MAP3K5: variants seen among roughly 807,000 people sequenced by gnomAD.
The protein encoded by MAP3K5 is ASK-1.
In MAP3K5, 56 loss-of-function variants were observed where a neutral mutation model predicts 158.7. The ratio of observed to expected loss-of-function variants is 0.35; its 90% CI spans 0.28 to 0.44. The LOEUF is 0.44. Ranked by LOEUF, MAP3K5 falls within the 20% of genes least tolerant of loss-of-function variation. The pLI is 1.00. For synonymous variants in MAP3K5, 579 were observed against 601.7 expected (o/e 0.96, Z 0.55); for missense variants, 1,294 against 1,674.8 (o/e 0.77, Z 3.97).
intron 1 of MAP3K5, among the ~76,000 whole-genome samples, chr6:136,733,732 C>A (rs1268216614): frequency 6.6e-6 from 1 of 152,048 alleles, no homozygotes; most frequent in African/African-American, 2.4e-5. Context: ...CACAGCCTCC[C>A]CCATTGTCAA....
At chr6:136,675,723 C>T (rs781411527) in intron 7 of MAP3K5, among the ~76,000 whole-genome samples, 1 of 151,898 alleles carries the variant, frequency 6.6e-6, no homozygotes, top group Non-Finnish European at 1.5e-5. Context: ...AGTAAACGAA[C>T]AGCATATCAT....
In MAP3K5 at chr6:136,791,855, G is replaced by A; in HGVS notation, c.303C>T (p.Ser101=). Residue 101 remains serine, a synonymous_variant, in exon 1 of 30, where the codon AGC becomes AGT. Coordinates refer to ENST00000359015, the MANE Select transcript of MAP3K5 (RefSeq NM_005923.4). ...TCTCGGCCACCACCAGTTGCCCTTG[G>A]CTCGCTTCGTTGATCACATATGCCA... The part of the protein sequence containing the change: ...TTVAYVINEA[S]QGQLVVAESE... 1 of 1,613,802 alleles carries A rather than the reference G, an allele frequency of 6.2e-7. No individual in the cohort carries two copies. Among genetic ancestry groups the A allele is most frequent in the Non-Finnish European group, 8.5e-7 (1 of 1,180,024 alleles).
chr6:136,681,422 C>T (rs545587288), intron 7 of MAP3K5, among the ~76,000 whole-genome samples: 1 of 152,154 alleles, frequency 6.6e-6, no homozygotes, highest in South Asian at 2.1e-4. Context: ...TCACTTGAGC[C>T]CAAGTGTTCA....
chr6:136,580,028 G>A (rs190483142), intron 25 of MAP3K5, among the ~76,000 whole-genome samples: 5 of 152,192 alleles, frequency 3.3e-5, no homozygotes, highest in East Asian at 1.9e-4. Flanking sequence ...TTTGAAATGC[G>A]TATTTATCTG....
At chr6:136,749,188 C>G (rs1183551220) in intron 1 of MAP3K5, among the ~76,000 whole-genome samples, 1 of 152,028 alleles carries the variant, frequency 6.6e-6, no homozygotes, top group Admixed American at 6.6e-5. Context: ...GCCTGGCCAA[C>G]ATGGTGAAAC....
intron 10 of MAP3K5, 32 bp from the exon 11 acceptor site, chr6:136,651,123 A>G (rs768181973): frequency 8.2e-7 from 1 of 1,213,626 alleles, no homozygotes; most frequent in South Asian, 1.3e-5. Flanking sequence ...AACTAATATC[A>G]GTGACTTAAG....
chr6:136,583,832 T>G, intron 23 of MAP3K5, 92 bp from the exon 24 acceptor site: 1 of 1,254,750 alleles, frequency 8.0e-7, no homozygotes, highest in Non-Finnish European at 1.1e-6. Flanking sequence ...CCCCACATTT[T>G]TTTTTCTTTT....
At chr6:136,701,986 T>C (rs1780872929) in intron 3 of MAP3K5, among the ~76,000 whole-genome samples, 2 of 152,106 alleles carry the variant, frequency 1.3e-5, no homozygotes, top group Non-Finnish European at 2.9e-5. Context: ...TGTCTGGGTG[T>C]GTGTTAGGCA....
chr6:136,791,782 T>C lies in MAP3K5; in HGVS notation c.376A>G (p.Thr126Ala). The C allele has an allele frequency of 1.2e-6, 2 of 1,613,606 alleles. No individual in the cohort carries two copies. Among genetic ancestry groups the C allele is most frequent in the Non-Finnish European group, 1.7e-6 (2 of 1,180,028 alleles). ...LREACETVGA[T>A]LETLHFGKLD... ...TTCCCAAAATGCAGGGTTTCCAGGG[T>C]GGCGCCCACTGTCTCGCACGCCTCC... is the stretch of plus-strand genomic sequence containing the variant. Residue 126 changes from threonine (T) to alanine (A), a missense_variant, in exon 1 of 30, where the codon ACC becomes GCC. Physicochemically the swap from Thr to Ala is moderately conservative, Grantham distance 58 (BLOSUM62 0). Transcript: ENST00000359015.
intron 1 of MAP3K5, among the ~76,000 whole-genome samples, chr6:136,728,821 C>T (rs1037719406): frequency 6.6e-6 from 1 of 152,098 alleles, no homozygotes; most frequent in African/African-American, 2.4e-5. Flanking sequence ...TGTTAATCTG[C>T]TAAGTGAGGG....
chr6:136,792,521 G>A (rs1329293478), upstream of MAP3K5: 6 of 322,280 alleles, frequency 1.9e-5, no homozygotes, highest in Admixed American at 6.7e-5. This position sits in a 1 kb window ranked among gnomAD's most constrained non-coding sequence, Gnocchi z 5.7. Context: ...CGCGCTCGGG[G>A]TGCAGCCCGC....
At chr6:136,576,758 C>A (rs770470179) in intron 25 of MAP3K5, among the ~76,000 whole-genome samples, 2 of 152,136 alleles carry the variant, frequency 1.3e-5, no homozygotes, top group African/African-American at 2.4e-5. Flanking sequence ...CAATCATGTA[C>A]GGTATAATAA....
intron 15 of MAP3K5, among the ~76,000 whole-genome samples, chr6:136,620,020 A>G (rs1229126539): frequency 6.6e-6 from 1 of 152,238 alleles, no homozygotes; most frequent in Non-Finnish European, 1.5e-5. Flanking sequence ...CTATAATCCC[A>G]GCACTTTGGG....
chr6:136,716,978 T>C (rs922225011), intron 2 of MAP3K5, among the ~76,000 whole-genome samples: 1 of 151,944 alleles, frequency 6.6e-6, no homozygotes, highest in Non-Finnish European at 1.5e-5. Flanking sequence ...GCCAACATGG[T>C]GAAACCCCAT....
At chr6:136,692,461 A>G (rs993622185) in intron 7 of MAP3K5, among the ~76,000 whole-genome samples, 2 of 152,116 alleles carry the variant, frequency 1.3e-5, no homozygotes, top group Admixed American at 1.3e-4. Context: ...CAGACCAGGG[A>G]ATGTCTTGAG....
chr6:136,694,256 C>T lies in MAP3K5; in HGVS notation c.1137G>A (p.Val379=). ...CTGAAGCAACTTGTCCTTCGCTTTG[C>T]ACCATGGGAATCATAATATCAAGAG... ...AKALDIMIPM[V]QSEGQVASDM... The change falls in exon 7 of 30, where the codon GTG becomes GTA. Residue 379 remains valine (V), a synonymous_variant. Transcript: ENST00000359015. 1 of 1,613,478 alleles carries T rather than the reference C, an allele frequency of 6.2e-7. No homozygotes were observed. The highest frequency in any genetic ancestry group is 1.3e-5 in the African/African-American group (1 of 75,054).
intron 4 of MAP3K5, 136 bp downstream of exon 4, chr6:136,698,353 G>A (rs1467441329): frequency 2.9e-6 from 2 of 680,406 alleles, no homozygotes; most frequent in Non-Finnish European, 4.9e-6. Flanking sequence ...TTATCTACTT[G>A]GAGGATAATA....
At chr6:136,649,108 T>A (rs1778405318) in intron 11 of MAP3K5, among the ~76,000 whole-genome samples, 1 of 152,210 alleles carries the variant, frequency 6.6e-6, no homozygotes, top group Non-Finnish European at 1.5e-5. Context: ...TAGTGGGGAT[T>A]ACAGGCAAGT....
intron 14 of MAP3K5, among the ~76,000 whole-genome samples, chr6:136,635,586 A>G (rs1314034287): frequency 6.6e-6 from 1 of 152,058 alleles, no homozygotes; most frequent in Non-Finnish European, 1.5e-5. Context: ...CTACGGGCAG[A>G]GTTAACAACT....
Sources: allele counts gnomAD v4.1 joint callset (sites outside exome capture counted in the v4.1 genomes callset), GRCh38; gene constraint gnomAD v4.1.1; non-coding constraint Gnocchi (gnomAD v3.1); transcripts MANE v1.5; gene names NCBI Gene and HGNC (gene_info 2026-07-23, HGNC 2026-07-21).